RBM4: variants seen among roughly 807,000 people sequenced by gnomAD.
The protein encoded by RBM4 is RNA-binding protein 4.
A neutral mutation model predicts 29.5 loss-of-function variants in RBM4; 7 were observed. The ratio of observed to expected loss-of-function variants is 0.24; its 90% CI spans 0.14 to 0.45. The LOEUF (loss-of-function observed/expected upper bound fraction) is 0.45. RBM4 is among the 20% of genes least tolerant of loss of function. RBM4 has a pLI of 1.00. For missense variants in RBM4, 387 were observed against 502.3 expected (o/e 0.77, Z 2.19); for synonymous variants, 220 against 205.4 (o/e 1.07, Z -0.61).
downstream of RBM4, among the ~76,000 whole-genome samples, chr11:66,650,618 C>T (rs1938805575): frequency 4.0e-5 from 6 of 151,758 alleles, no homozygotes; most frequent in Admixed American, 3.9e-4. Flanking sequence ...ATTCCCAGCG[C>T]TTTGGGAGGC....
rs867631351 is a variant in RBM4 at position 66,640,133 on chromosome 11, C to T, written c.412+10C>T. 8 of 1,614,014 alleles carry T rather than the reference C, an allele frequency of 5.0e-6. No individual in the cohort carries two copies. The highest frequency in any genetic ancestry group is 1.7e-5 in the Admixed American group (1 of 60,004). Reference sequence around the variant, plus strand: ...AACACAGAGTTTCAAGGTGAACCACCCTCTTTGGGTAGAGGGCTGAACACA... The same window carrying T: ...AACACAGAGTTTCAAGGTGAACCACTCTCTTTGGGTAGAGGGCTGAACACA... On this transcript the variant is annotated intron_variant, in intron 2 of 3. Transcript: ENST00000310092.
At chr11:66,651,905 C>G (rs1479074452) in intron 2 of RBM4, among the ~76,000 whole-genome samples, 2 of 135,736 alleles carry the variant, frequency 1.5e-5, no homozygotes, top group Non-Finnish European at 3.3e-5. Context: ...AATCACCTCT[C>G]AAAAGTGTAC....
chr11:66,655,232 C>T (rs1188533855), intron 2 of RBM4, among the ~76,000 whole-genome samples: 1 of 151,904 alleles, frequency 6.6e-6, no homozygotes, highest in Non-Finnish European at 1.5e-5. Flanking sequence ...GTGATCCACC[C>T]GCTTTGGCCT....
chr11:66,665,616 C>T (rs1939196231), intron 2 of RBM4: 1 of 1,535,674 alleles, frequency 6.5e-7, no homozygotes. Context: ...TACACAATGC[C>T]TGGAGAGCAG....
intron 2 of RBM4, among the ~76,000 whole-genome samples, chr11:66,664,689 A>C (rs759122861): frequency 1.3e-5 from 2 of 152,154 alleles, no homozygotes; most frequent in Admixed American, 6.5e-5. Context: ...ACCTGACCTC[A>C]GGTGATCTAC....
At chr11:66,665,316 GA>G (rs998579366) in intron 2 of RBM4, 1 of 521,782 alleles carries the variant, frequency 1.9e-6, no homozygotes, top group Non-Finnish European at 3.4e-6. Flanking sequence ...CACTGCACAG[GA>G]AAAAGGGGAT....
At chr11:66,660,059 A>G (rs1032353607) in intron 2 of RBM4, among the ~76,000 whole-genome samples, 1 of 147,520 alleles carries the variant, frequency 6.8e-6, no homozygotes, top group African/African-American at 2.5e-5. Context: ...CTGCTTATCT[A>G]TCCTTTTCTG....
intron 2 of RBM4, among the ~76,000 whole-genome samples, chr11:66,657,579 A>C (rs1938972861): frequency 7.0e-6 from 1 of 143,700 alleles, no homozygotes; most frequent in Admixed American, 7.1e-5. Context: ...GCTACTTGGG[A>C]GGCTGAGGCA....
In RBM4 at chr11:66,644,708, T is replaced by A. The variant is rs530002813; in HGVS notation, c.*8+568T>A. Reference sequence around the variant, plus strand: ...GCGTATTTCTGACATTCCTGAACCGTTCAACCCTTATGAGTTTTATAGAAC... The same window carrying A: ...GCGTATTTCTGACATTCCTGAACCGATCAACCCTTATGAGTTTTATAGAAC... On this transcript the variant is annotated intron_variant, in intron 3 of 3. Coordinates refer to ENST00000310092, the MANE Select transcript of RBM4 (RefSeq NM_002896.4). The A allele has an allele frequency of 2.1e-5, 21 of 979,728 alleles. No homozygotes were observed. In the Admixed American group the frequency reaches 3.7e-4, roughly 17 times the overall value. 60.7% of individuals were successfully genotyped at this position (979,728 alleles called of 1,614,324 possible).
rs1645027996 is a variant in RBM4, at chr11:66,639,504, T to TA, written c.-12-195dup. Reference sequence around the variant, plus strand: ...GACCTCCCTATTGCAGACGTCTTCTTATTCTTACAGGTTCATGGCGGCTAC... The same window carrying TA: ...GACCTCCCTATTGCAGACGTCTTCTTAATTCTTACAGGTTCATGGCGGCTAC... On this transcript the variant is annotated intron_variant, in intron 1 of 3. Transcript: ENST00000310092. 3 of 695,672 alleles carry TA rather than the reference T, an allele frequency of 4.3e-6. No homozygotes were observed. In the East Asian group the frequency reaches 8.2e-5, roughly 19 times the overall value. The allele number at this position is 695,672 out of a possible 1,614,324, so 43.1% of individuals were successfully genotyped here. A position where few individuals can be genotyped will look rare whatever the true frequency, so the allele number is the denominator to read the frequency against.
chr11:66,646,405 G>A lies in RBM4; in HGVS notation c.*387G>A. On this transcript the variant is annotated 3_prime_UTR_variant, in exon 4 of 4. Coordinates refer to ENST00000310092, the MANE Select transcript of RBM4 (RefSeq NM_002896.4). ...CTCCAGGGTCTCTTTTTGGTCCAAAGGCTAGACCTATAGAGTTGGATCACT... is the reference window on the plus strand; with the variant it reads ...CTCCAGGGTCTCTTTTTGGTCCAAAAGCTAGACCTATAGAGTTGGATCACT... The A allele has an allele frequency of 9.1e-7, 1 of 1,104,274 alleles. No individual in the cohort carries two copies. The highest frequency in any genetic ancestry group is 1.1e-6 in the Non-Finnish European group (1 of 903,766). The allele number at this position is 1,104,274 out of a possible 1,614,324, so 68.4% of individuals were successfully genotyped here. A position where few individuals can be genotyped will look rare whatever the true frequency, so the allele number is the denominator to read the frequency against.
intron 2 of RBM4, chr11:66,641,153 A>G (rs916192716): frequency 5.3e-5 from 8 of 152,206 alleles, no homozygotes; most frequent in African/African-American, 1.9e-4. Context: ...GCAGGACTGA[A>G]CAAAAATAAT....
intron 2 of RBM4, among the ~76,000 whole-genome samples, chr11:66,663,907 T>G (rs907502986): frequency 1.3e-5 from 2 of 152,100 alleles, no homozygotes; most frequent in African/African-American, 2.4e-5. Flanking sequence ...CAGCTCTGGT[T>G]AGAGAAAAGT....
chr11:66,643,321 TCTTTTCCTA>T lies in RBM4; in HGVS notation c.413-128_413-120del. 2.5e-6 allele frequency: 3 copies of T among 1,224,186 alleles called. No homozygotes were observed. Among genetic ancestry groups the T allele is most frequent in the Non-Finnish European group, 3.3e-6 (3 of 907,162 alleles). 75.8% of individuals were successfully genotyped at this position (1,224,186 alleles called of 1,614,324 possible). A position where few individuals can be genotyped will look rare whatever the true frequency, so the allele number is the denominator to read the frequency against. Reference sequence around the variant, plus strand: ...GAGTCTTTTTTTTTTTTCCTTTTTATCTTTTCCTAAAGATGAGTCCTGCATTAGAATTGT... The same window carrying T: ...GAGTCTTTTTTTTTTTTCCTTTTTATAAGATGAGTCCTGCATTAGAATTGT... On this transcript the variant is annotated intron_variant, in intron 2 of 3. Coordinates refer to ENST00000310092, the MANE Select transcript of RBM4 (RefSeq NM_002896.4). The surrounding 1 kb of genome is among the most constrained non-coding windows in gnomAD (Gnocchi z 6.1).
Position 66,643,649 on chromosome 11 carries a change from C to T in RBM4, c.612C>T (p.Ser204=). The T allele has an allele frequency of 6.2e-7, 1 of 1,614,170 alleles. No homozygotes were observed. Among genetic ancestry groups the T allele is most frequent in the South Asian group, 1.1e-5 (1 of 91,088 alleles). ...CAGTGCGTACGCCTTACACCATGAGCTATGGGGATTCATTGTATTACAACA... is the reference window on the plus strand; with the variant it reads ...CAGTGCGTACGCCTTACACCATGAGTTATGGGGATTCATTGTATTACAACA... The part of the protein sequence containing the change: ...YGAVRTPYTM[S]YGDSLYYNNA... The change falls in exon 3 of 4, where the codon AGC becomes AGT. Residue 204 remains serine (S), a synonymous_variant. Transcript: ENST00000310092. The surrounding 1 kb of genome is among the most constrained non-coding windows in gnomAD (Gnocchi z 6.1).
At chr11:66,644,914 T>G (rs1489006153) in intron 3 of RBM4, among the ~76,000 whole-genome samples, 1 of 151,692 alleles carries the variant, frequency 6.6e-6, no homozygotes, top group Non-Finnish European at 1.5e-5. Context: ...GCCCAGCCTG[T>G]CACTTACTTA....
intron 2 of RBM4, chr11:66,640,927 C>T (rs1347239872): frequency 6.6e-6 from 1 of 152,140 alleles, no homozygotes; most frequent in Non-Finnish European, 1.5e-5. Context: ...ACATGTTGCT[C>T]AAAGGAAATG....
At chr11:66,662,528 A>G (rs1939102776) in intron 2 of RBM4, among the ~76,000 whole-genome samples, 1 of 151,810 alleles carries the variant, frequency 6.6e-6, no homozygotes, top group South Asian at 2.1e-4. Flanking sequence ...CAGCCTCCCT[A>G]GTAGCTGGGA....
chr11:66,665,820 T>C, intron 2 of RBM4: 1 of 1,486,238 alleles, frequency 6.7e-7, no homozygotes, highest in South Asian at 1.2e-5. Flanking sequence ...GAAGAATGTG[T>C]TGGTGATAAA....
Sources: allele counts gnomAD v4.1 joint callset (sites outside exome capture counted in the v4.1 genomes callset), GRCh38; gene constraint gnomAD v4.1.1; non-coding constraint Gnocchi (gnomAD v3.1); transcripts MANE v1.5; gene names NCBI Gene and HGNC (gene_info 2026-07-23, HGNC 2026-07-21).